WIPF3: variants seen among roughly 807,000 people sequenced by gnomAD.
WIPF3 encodes the protein WAS/WASL-interacting protein family member 3.
In WIPF3, 33 loss-of-function variants were observed where a neutral mutation model predicts 38.9. The ratio of observed to expected loss-of-function variants is 0.85; its 90% CI spans 0.64 to 1.14. The LOEUF (loss-of-function observed/expected upper bound fraction) is 1.14. Among genes scored for constraint, WIPF3 ranks in the 50% most tolerant of loss-of-function variants. WIPF3 has a pLI of 0.00. For missense variants in WIPF3, 711 were observed against 652.5 expected, an observed-to-expected ratio of 1.09 and a Z score of -0.98; for synonymous variants, 324 against 269.3, an observed-to-expected ratio of 1.20 and a Z score of -1.99.
intron 1 of WIPF3, among the ~76,000 whole-genome samples, chr7:29,812,840 T>G (rs1784400642): frequency 6.6e-6 from 1 of 152,240 alleles, no homozygotes; most frequent in African/African-American, 2.4e-5. Context: ...AGAAGGTGAC[T>G]CAGTAATTTT....
intron 2 of WIPF3, among the ~76,000 whole-genome samples, chr7:29,841,232 G>T (rs955455752): frequency 6.6e-6 from 1 of 152,174 alleles, no homozygotes; most frequent in Non-Finnish European, 1.5e-5. Flanking sequence ...ACTTCACACC[G>T]GCTCTGGAAG....
At chr7:29,810,689 T>C (rs533166569) in intron 1 of WIPF3, among the ~76,000 whole-genome samples, 1 of 152,340 alleles carries the variant, frequency 6.6e-6, no homozygotes, top group Admixed American at 6.5e-5. Context: ...CCTCTGCTTC[T>C]TTAAGAAATT....
intron 7 of WIPF3, among the ~76,000 whole-genome samples, chr7:29,889,702 C>A (rs1354337759): frequency 3.3e-5 from 5 of 152,178 alleles, no homozygotes; most frequent in African/African-American, 4.8e-5. Context: ...GATAAGGGAA[C>A]TAACCAACCC....
intron 1 of WIPF3, among the ~76,000 whole-genome samples, chr7:29,816,953 A>G (rs926069293): frequency 8.5e-5 from 13 of 152,214 alleles, no homozygotes; most frequent in African/African-American, 3.1e-4. Context: ...TACCCTTCAC[A>G]GAAGTTGTAC....
intron 7 of WIPF3, among the ~76,000 whole-genome samples, chr7:29,889,684 G>A (rs1785965669): frequency 6.6e-6 from 1 of 152,046 alleles, no homozygotes; most frequent in Non-Finnish European, 1.5e-5. Context: ...CTCCTCCCTG[G>A]GGCTTTTGAT....
chr7:29,825,197 G>C (rs182808680), intron 1 of WIPF3, among the ~76,000 whole-genome samples: 1 of 152,052 alleles, frequency 6.6e-6, no homozygotes, highest in African/African-American at 2.4e-5. Flanking sequence ...GTAAGTTTCC[G>C]TTGAATAATA....
chr7:29,915,060 A>C lies in WIPF3; in HGVS notation c.*544A>C, dbSNP rs547539205. On this transcript the variant is annotated 3_prime_UTR_variant, in exon 9 of 9. Coordinates refer to ENST00000242140, the MANE Select transcript of WIPF3 (RefSeq NM_001080529.3). ...GAACGAGGTGCCATGTCTCGCTTCC[A>C]TTTTGCAGTACAGGGAATTTTTTTT... The C allele has an allele frequency of 1.5e-5, 2 of 137,006 alleles. No individual in the cohort carries two copies. The highest frequency in any genetic ancestry group is 5.5e-5 in the African/African-American group (2 of 36,372). The allele number at this position is 137,006 out of a possible 1,614,324, so 8.5% of individuals were successfully genotyped here. A position where few individuals can be genotyped will look rare whatever the true frequency, so the allele number is the denominator to read the frequency against.
intron 2 of WIPF3, among the ~76,000 whole-genome samples, chr7:29,837,108 C>T (rs1009086036): frequency 1.3e-5 from 2 of 152,174 alleles, no homozygotes; most frequent in Non-Finnish European, 2.9e-5. Context: ...GTAATCCCAG[C>T]ACTTTGGGAG....
At chr7:29,882,282 AT>A (rs1785736252) in intron 4 of WIPF3, among the ~76,000 whole-genome samples, 1 of 152,096 alleles carries the variant, frequency 6.6e-6, no homozygotes, top group African/African-American at 2.4e-5. Flanking sequence ...ATCCCTTTCA[AT>A]TTCATTCAGC....
intron 2 of WIPF3, among the ~76,000 whole-genome samples, chr7:29,847,363 A>T (rs1428295834): frequency 6.6e-6 from 1 of 152,196 alleles, no homozygotes; most frequent in African/African-American, 2.4e-5. Context: ...AATAGGTGGT[A>T]TGGGACCAAG....
chr7:29,854,228 T>C (rs947340859), intron 2 of WIPF3, among the ~76,000 whole-genome samples: 8 of 152,198 alleles, frequency 5.3e-5, no homozygotes, highest in African/African-American at 1.9e-4. Flanking sequence ...GCTGGTGGCA[T>C]TAATGTAAGA....
chr7:29,884,484 C>G lies in WIPF3; in HGVS notation c.990C>G (p.Ser330=). The change falls in exon 5 of 9, where the codon TCC becomes TCG. Residue 330 remains serine (S), a synonymous_variant. Coordinates refer to ENST00000242140, the MANE Select transcript of WIPF3 (RefSeq NM_001080529.3). ...CTCCACCCCCGCTACCCCCTAAATC[C>G]CCCAGCTTCCAGGCCCCACCGCAGA... ...SETPPPLPPK[S]PSFQAPPQKA... 1.3e-6 allele frequency: 2 copies of G among 1,570,260 alleles called. No individual in the cohort carries two copies. The highest frequency in any genetic ancestry group is 1.7e-6 in the Non-Finnish European group (2 of 1,158,990).
At chr7:29,890,115 T>C (rs1785973020) in intron 7 of WIPF3, among the ~76,000 whole-genome samples, 1 of 152,012 alleles carries the variant, frequency 6.6e-6, no homozygotes, top group Admixed American at 6.6e-5. Context: ...CCCCAGCACT[T>C]TGGGAGGCTG....
intron 2 of WIPF3, among the ~76,000 whole-genome samples, chr7:29,855,357 C>A (rs145128508): frequency 2.2e-4 from 33 of 152,278 alleles, no homozygotes; most frequent in African/African-American, 7.7e-4. Context: ...TTAGAAGGAG[C>A]CTTTTAGGGC....
chr7:29,867,948 G>A (rs528140164), intron 2 of WIPF3, among the ~76,000 whole-genome samples: 1 of 152,202 alleles, frequency 6.6e-6, no homozygotes, highest in South Asian at 2.1e-4. Context: ...TTTTTAAGCT[G>A]GATTCACTGG....
intron 2 of WIPF3, among the ~76,000 whole-genome samples, chr7:29,850,327 A>G (rs1037165217): frequency 6.6e-6 from 1 of 152,242 alleles, no homozygotes; most frequent in African/African-American, 2.4e-5. Context: ...AATGGAAGAA[A>G]GTTCAGGAGC....
At chr7:29,885,453 A>G (rs937210710) in intron 5 of WIPF3, among the ~76,000 whole-genome samples, 1 of 152,228 alleles carries the variant, frequency 6.6e-6, no homozygotes. Flanking sequence ...TGATGCAGAA[A>G]GCTTCTTAAA....
rs201336980 is a variant in WIPF3, at chr7:29,888,124, A to G, written c.1156A>G (p.Thr386Ala). ...PPAPPARSPT[T>A]ELSSKSQQAT... ...AGCACCCCCTGCGAGATCACCTACC[A>G]CAGAGCTTTCAAGCAAGAGCCAGCA... Residue 386 changes from threonine (T) to alanine (A), a missense_variant, in exon 6 of 9, where the codon ACA (threonine) becomes GCA (alanine). Physicochemically the swap from Thr to Ala is moderately conservative, Grantham distance 58. Transcript: ENST00000242140. The G allele has an allele frequency of 4.8e-4, 768 of 1,613,734 alleles. No homozygotes were observed. The highest frequency in any genetic ancestry group is 6.0e-4 in the Non-Finnish European group (707 of 1,179,860).
At chr7:29,846,328 C>T (rs174941) in intron 2 of WIPF3, among the ~76,000 whole-genome samples, 112,806 of 152,138 alleles carry the variant, frequency 0.74, 42,516 homozygotes, top group East Asian at 0.87. Context: ...TTTAATAAGG[C>T]CTGTTCACAA....
Sources: gnomAD v4.1 joint callset for allele counts (sites outside exome capture counted in the v4.1 genomes callset) on GRCh38, gnomAD v4.1.1 for gene constraint, MANE v1.5 for transcripts, NCBI Gene and HGNC (gene_info 2026-07-23, HGNC 2026-07-21) for gene names.